The following CLEC18B variants were observed in gnomAD, a reference collection of about 807,000 sequenced individuals.
CLEC18B encodes the protein mannose receptor-like 2.
A neutral mutation model predicts 60.4 loss-of-function variants in CLEC18B; 5 were observed. That is an observed-to-expected ratio of 0.08 (90% CI 0.04 to 0.17). The LOEUF (loss-of-function observed/expected upper bound fraction) is 0.17. Among genes scored for constraint, CLEC18B ranks in the 10% least tolerant of loss-of-function variants. The pLI is 1.00. For synonymous variants in CLEC18B, 16 were observed against 221.2 expected, an observed-to-expected ratio of 0.07 and a Z score of 8.23; for missense variants, 26 against 572.8, an observed-to-expected ratio of 0.05 and a Z score of 9.74.
At chr16:74,420,345 AG>A in intron 2 of CLEC18B, among the ~76,000 whole-genome samples, 155 bp downstream of exon 2, 1 of 150,666 alleles carries the variant, frequency 6.6e-6, no homozygotes, top group Non-Finnish European at 1.5e-5. Context: ...CCCAGCAACC[AG>A]GGCCTCCGTC....
intron 10 of CLEC18B, among the ~76,000 whole-genome samples, chr16:74,410,334 A>T (rs1252468595): frequency 2.0e-5 from 3 of 152,226 alleles, no homozygotes; most frequent in Non-Finnish European, 4.4e-5. Context: ...TCTCTCCCCC[A>T]CGTGACGTGC....
At chr16:74,412,004 TC>T (rs2013180471) in intron 7 of CLEC18B, 149 bp downstream of exon 7, 1 of 1,101,464 alleles carries the variant, frequency 9.1e-7, no homozygotes, top group Non-Finnish European at 1.3e-6. Flanking sequence ...GGTGTAAATA[TC>T]CATGCTGTGG....
intron 3 of CLEC18B, among the ~76,000 whole-genome samples, chr16:74,416,717 G>A (rs71273290): frequency 1.1e-3 from 144 of 136,238 alleles, no homozygotes; most frequent in African/African-American, 4.0e-3. Flanking sequence ...CACAGGTAGT[G>A]GAGGTATTAA....
At chr16:74,418,949 A>G (rs970062557) in intron 2 of CLEC18B, among the ~76,000 whole-genome samples, 1 of 152,116 alleles carries the variant, frequency 6.6e-6, no homozygotes, top group Non-Finnish European at 1.5e-5. Context: ...ATGTGACACC[A>G]CACCTGGCTA....
At chr16:74,409,448 CCA>C in intron 11 of CLEC18B, 100 bp downstream of exon 11, 2 of 1,289,542 alleles carry the variant, frequency 1.6e-6, no homozygotes, top group Non-Finnish European at 2.2e-6. Context: ...GTGCCCAGAC[CCA>C]CTCTGAACCT....
At chr16:74,419,145 T>G (rs1050351662) in intron 2 of CLEC18B, among the ~76,000 whole-genome samples, 1 of 152,272 alleles carries the variant, frequency 6.6e-6, no homozygotes, top group African/African-American at 2.4e-5. Flanking sequence ...CCTGGGTGAC[T>G]TGGTGCAGTC....
intron 7 of CLEC18B, 84 bp downstream of exon 7, chr16:74,412,058 AAGAGAGGCACAC>A (rs2013183638): frequency 1.4e-6 from 1 of 734,938 alleles, no homozygotes; most frequent in Non-Finnish European, 2.4e-6. Context: ...ATGAGTTGGA[AAGAGAGGCACAC>A]AGCGGGCTCC....
At chr16:74,413,881 T>TTTACTTAC (rs59885833) in intron 3 of CLEC18B, among the ~76,000 whole-genome samples, 8 of 152,150 alleles carry the variant, frequency 5.3e-5, no homozygotes, top group African/African-American at 1.9e-4. Context: ...TATTTATTTA[T>TTTACTTAC]TTATTTTTGA....
intron 3 of CLEC18B, among the ~76,000 whole-genome samples, chr16:74,417,140 C>CT (rs2013451193): frequency 6.8e-6 from 1 of 148,112 alleles, no homozygotes; most frequent in Admixed American, 6.8e-5. Flanking sequence ...TGGCTCGTGC[C>CT]TGTAGTCCCA....
At chr16:74,409,687 G>A (rs2013032787) in intron 10 of CLEC18B, 46 bp from the exon 11 acceptor site, 1 of 1,613,956 alleles carries the variant, frequency 6.2e-7, no homozygotes, top group Non-Finnish European at 8.5e-7. Context: ...TGAAGTCAGG[G>A]ATCCGGGAGA....
intron 10 of CLEC18B, 47 bp from the exon 11 acceptor site, chr16:74,409,688 A>G (rs2013032887): frequency 6.2e-7 from 1 of 1,614,050 alleles, no homozygotes; most frequent in East Asian, 2.2e-5. Flanking sequence ...GAAGTCAGGG[A>G]TCCGGGAGAG....
At chr16:74,422,813 C>A (rs1268570639), upstream of CLEC18B, among the ~76,000 whole-genome samples, 1 of 152,214 alleles carries the variant, frequency 6.6e-6, no homozygotes, top group African/African-American at 2.4e-5. Flanking sequence ...CAGGTGTGTG[C>A]CACCATGCCT....
chr16:74,418,945 C>T (rs1468332565), intron 2 of CLEC18B, among the ~76,000 whole-genome samples: 1 of 152,206 alleles, frequency 6.6e-6, no homozygotes, highest in African/African-American at 2.4e-5. Context: ...AGCCATGTGA[C>T]ACCACACCTG....
In CLEC18B at chr16:74,411,143, T is replaced by G. The variant is rs1266940321; in HGVS notation, c.985-109A>C. 9.5e-6 allele frequency: 13 copies of G among 1,374,868 alleles called. No individual in the cohort carries two copies. In the African/African-American group the frequency reaches 1.5e-4, roughly 15 times the overall value. The allele number at this position is 1,374,868 out of a possible 1,614,324, so 85.2% of individuals were successfully genotyped here. ...TGCCACGTGTGTGTGCTGGCCGGGCTATCATCACCCCCAGCCCGCACAGCC... is the reference window on the plus strand; with the variant it reads ...TGCCACGTGTGTGTGCTGGCCGGGCGATCATCACCCCCAGCCCGCACAGCC... On this transcript the variant is annotated intron_variant, in intron 8 of 11. Transcript: ENST00000682950.
upstream of CLEC18B, among the ~76,000 whole-genome samples, chr16:74,422,771 C>T (rs1000262178): frequency 6.6e-6 from 1 of 152,216 alleles, no homozygotes; most frequent in African/African-American, 2.4e-5. Flanking sequence ...CCCAAGTGAT[C>T]CTTCCACCTC....
At chr16:74,412,412 T>TG (rs1242595462) in intron 6 of CLEC18B, 166 bp from the exon 7 acceptor site, 1 of 1,185,792 alleles carries the variant, frequency 8.4e-7, no homozygotes, top group Non-Finnish European at 1.2e-6. Context: ...CTGGTGTCTT[T>TG]GGTTTGGTCC....
chr16:74,421,872 C>T (rs1597190630), upstream of CLEC18B: 1 of 141,440 alleles, frequency 7.1e-6, no homozygotes. Flanking sequence ...TAACCGCACA[C>T]CAGAGGGGTG....
chr16:74,413,849 C>CTTGCTTTTTTAT (rs10676553), intron 3 of CLEC18B, among the ~76,000 whole-genome samples, 173 bp from the exon 4 acceptor site: 2 of 149,352 alleles, frequency 1.3e-5, no homozygotes, highest in Non-Finnish European at 3.0e-5. Context: ...TTCAGGAAGG[C>CTTGCTTTTTTAT]TTATTTATTT....
At chr16:74,419,872 G>A (rs1267003506) in intron 2 of CLEC18B, among the ~76,000 whole-genome samples, 3 of 151,218 alleles carry the variant, frequency 2.0e-5, no homozygotes, top group Admixed American at 6.6e-5. Context: ...ACATGGGCTG[G>A]GGCTGCTGGG....
Sources: allele counts gnomAD v4.1 joint callset (sites outside exome capture counted in the v4.1 genomes callset), GRCh38; gene constraint gnomAD v4.1.1; transcripts MANE v1.5; gene names NCBI Gene and HGNC (gene_info 2026-07-23, HGNC 2026-07-21).